Variants in MARCHF1 observed in about 807,000 individuals in gnomAD.
MARCHF1 encodes the protein membrane associated ring-CH-type finger 1, also known as E3 ubiquitin-protein ligase MARCHF1.
MARCHF1 carries 40 observed loss-of-function variants against 54.2 expected under a neutral mutation model. The observed-to-expected ratio is 0.74, with a 90% CI of 0.57 to 0.96. The LOEUF is 0.96. Among genes scored for constraint, MARCHF1 ranks in the 40% least tolerant of loss-of-function variants. MARCHF1 has a pLI of 0.00. For missense variants in MARCHF1, 586 were observed against 656.5 expected, an observed-to-expected ratio of 0.89 and a Z score of 1.17; for synonymous variants, 236 against 236.3, an observed-to-expected ratio of 1.00 and a Z score of 0.01.
intron 1 of MARCHF1, among the ~76,000 whole-genome samples, chr4:164,379,253 G>T (rs1731294519): frequency 6.6e-6 from 1 of 152,088 alleles, no homozygotes; most frequent in Admixed American, 6.5e-5. Flanking sequence ...CTGTGGATGA[G>T]CAGTATAACA....
rs182464297 is a variant in MARCHF1 at position 163,771,258 on chromosome 4, C to T, written c.112-70395G>A. 9.4e-3 allele frequency among the ~76,000 whole-genome samples: 1,425 copies of T among 152,216 alleles called. 23 individuals are homozygous for T. The highest frequency in any genetic ancestry group is 0.032 in the South Asian group (156 of 4,828). On this transcript the variant is annotated intron_variant, in intron 4 of 9. Transcript: ENST00000514618. ...GGCCAGGGATGTTATTAACAGTCTA[C>T]GATGTACGGGACACAGCTTTCCACC...
chr4:163,825,338 T>C (rs1259427866), intron 4 of MARCHF1, among the ~76,000 whole-genome samples: 1 of 152,068 alleles, frequency 6.6e-6, no homozygotes, highest in Non-Finnish European at 1.5e-5. Context: ...TTAACCAGTC[T>C]AACATTGATG....
At chr4:163,960,862 T>C (rs1176907181) in intron 3 of MARCHF1, among the ~76,000 whole-genome samples, 1 of 151,734 alleles carries the variant, frequency 6.6e-6, no homozygotes, top group African/African-American at 2.4e-5. Flanking sequence ...CAAATTTATT[T>C]CTCACAATTC....
At chr4:163,869,376 C>T (rs1244133605) in intron 3 of MARCHF1, among the ~76,000 whole-genome samples, 1 of 152,004 alleles carries the variant, frequency 6.6e-6, no homozygotes, top group African/African-American at 2.4e-5. Context: ...ATAACAAGGG[C>T]AATTCAACAG....
chr4:163,924,438 G>T (rs779341273), intron 3 of MARCHF1, among the ~76,000 whole-genome samples: 1 of 151,896 alleles, frequency 6.6e-6, no homozygotes, highest in Non-Finnish European at 1.5e-5. Flanking sequence ...CAGGTTCATG[G>T]GCATACAAGT....
At chr4:164,122,447 CA>C (rs1337964605) in intron 1 of MARCHF1, among the ~76,000 whole-genome samples, 1 of 152,038 alleles carries the variant, frequency 6.6e-6, no homozygotes, top group East Asian at 1.9e-4. Context: ...CAGTAAGGAG[CA>C]TATAAGATAG....
rs183103689 is a variant in MARCHF1 at position 163,999,377 on chromosome 4, A to G, written c.-247-10668T>C. On this transcript the variant is annotated intron_variant, in intron 2 of 9. Transcript: ENST00000514618. ...TAAAGGCTTTAATCAATTTAAAAGT[A>G]CTTAGTTTGCAAAAAAGATGGATAT... 9.9e-5 allele frequency among the ~76,000 whole-genome samples: 15 copies of G among 151,744 alleles called. No individual in the cohort carries two copies. The East Asian group carries it at 2.7e-3, about 27-fold the overall frequency.
rs181247979 is a variant in MARCHF1, at chr4:164,309,343, G to A, written c.-323+74527C>T. 5.3e-5 allele frequency among the ~76,000 whole-genome samples: 8 copies of A among 151,716 alleles called. No individual in the cohort carries two copies. In the East Asian group the frequency reaches 1.6e-3, roughly 29 times the overall value. Reference sequence around the variant, plus strand: ...GCTTTTGTCTGCATGTCTGCTTTGCGCTCCCTGCCACATTTCAGGAAGAGG... The same window carrying A: ...GCTTTTGTCTGCATGTCTGCTTTGCACTCCCTGCCACATTTCAGGAAGAGG... On this transcript the variant is annotated intron_variant, in intron 1 of 9. Coordinates refer to ENST00000514618, the MANE Select transcript of MARCHF1 (RefSeq NM_001394959.1).
intron 1 of MARCHF1, among the ~76,000 whole-genome samples, chr4:164,278,049 T>C (rs1733929989): frequency 1.3e-5 from 2 of 152,316 alleles, no homozygotes; most frequent in African/African-American, 2.4e-5. Context: ...TACTGTGGCT[T>C]ATGTCTGTAA....
intron 3 of MARCHF1, among the ~76,000 whole-genome samples, chr4:163,903,052 T>A (rs542186592): frequency 2.0e-5 from 3 of 152,164 alleles, no homozygotes; most frequent in Admixed American, 6.5e-5. Context: ...CTAAAATCAT[T>A]CCTAATAACT....
chr4:164,281,220 T>C (rs1734018374), intron 1 of MARCHF1, among the ~76,000 whole-genome samples: 1 of 152,168 alleles, frequency 6.6e-6, no homozygotes, highest in South Asian at 2.1e-4. Flanking sequence ...CTTGATTGTG[T>C]CATGAACGTT....
At chr4:163,608,209 C>T (rs1741207029) in intron 7 of MARCHF1, among the ~76,000 whole-genome samples, 1 of 151,922 alleles carries the variant, frequency 6.6e-6, no homozygotes, top group Admixed American at 6.6e-5. Context: ...TGCCAGGGGA[C>T]CTGAGTGTTG....
chr4:163,934,242 T>C (rs1415352730), intron 3 of MARCHF1, among the ~76,000 whole-genome samples: 6 of 152,092 alleles, frequency 3.9e-5, no homozygotes, highest in Admixed American at 6.6e-5. Flanking sequence ...CAGAGCAACA[T>C]AAAATACAAT....
intron 1 of MARCHF1, among the ~76,000 whole-genome samples, chr4:164,291,418 G>A (rs1179138524): frequency 6.6e-6 from 1 of 152,014 alleles, no homozygotes; most frequent in Non-Finnish European, 1.5e-5. Context: ...TATCTCATTT[G>A]TAGAGAGTGA....
intron 1 of MARCHF1, among the ~76,000 whole-genome samples, chr4:164,195,467 T>C (rs1001082045): frequency 2.6e-5 from 4 of 152,158 alleles, no homozygotes; most frequent in African/African-American, 4.8e-5. Context: ...ATACCTCACG[T>C]TCTCTAGGAT....
At chr4:163,550,365 T>G (rs116086795) in intron 8 of MARCHF1, among the ~76,000 whole-genome samples, 1,597 of 152,172 alleles carry the variant, frequency 0.01, 37 homozygotes, top group African/African-American at 0.036. Flanking sequence ...TAAATCCATT[T>G]CGTCTTTTTT....
intron 1 of MARCHF1, among the ~76,000 whole-genome samples, chr4:164,259,544 C>CAAAAAAAAAAAAAAAAAAAA (rs141030578): frequency 1.0e-4 from 6 of 58,886 alleles, no homozygotes; most frequent in East Asian, 5.7e-4. Context: ...GACCGTGTCT[C>CAAAAAAAAAAAAAAAAAAAA]AAAAAAAAAA....
chr4:164,147,212 T>G lies in MARCHF1; in HGVS notation c.-322-35550A>C, dbSNP rs529028663. Among the ~76,000 whole-genome samples the G allele has an allele frequency of 5.7e-4, 86 of 150,272 alleles. No homozygotes were observed. In the East Asian group the frequency reaches 7.0e-3, roughly 12 times the overall value. ...GGATGTGGAGAAATAGGAACACTTT[T>G]ACACTGTTGGTGGGACTGTAAACTA... is the stretch of plus-strand genomic sequence containing the variant. On this transcript the variant is annotated intron_variant, in intron 1 of 9. Coordinates refer to ENST00000514618, the MANE Select transcript of MARCHF1 (RefSeq NM_001394959.1).
At chr4:164,360,756 T>C (rs761572559) in intron 1 of MARCHF1, among the ~76,000 whole-genome samples, 3 of 152,074 alleles carry the variant, frequency 2.0e-5, no homozygotes, top group African/African-American at 4.8e-5. Context: ...AAAACTTCTA[T>C]TGCAATTGTC....
Sources: allele counts gnomAD v4.1 joint callset (sites outside exome capture counted in the v4.1 genomes callset), GRCh38; gene constraint gnomAD v4.1.1; transcripts MANE v1.5; gene names NCBI Gene and HGNC (gene_info 2026-07-23, HGNC 2026-07-21).